The following ASNS variants were observed in gnomAD, a reference collection of about 807,000 sequenced individuals.
ASNS encodes asparagine synthetase (glutamine-hydrolyzing), also known as asparagine synthetase [glutamine-hydrolyzing].
A neutral mutation model predicts 62.6 loss-of-function variants in ASNS; 37 were observed. The ratio of observed to expected loss-of-function variants is 0.59; its 90% CI spans 0.45 to 0.78. The LOEUF (loss-of-function observed/expected upper bound fraction) is 0.78. Among genes scored for constraint, ASNS ranks in the 30% least tolerant of loss-of-function variants. The pLI is 0.00. For missense variants in ASNS, 520 were observed against 682.4 expected (o/e 0.76, Z 2.65); for synonymous variants, 207 against 237.9 (o/e 0.87, Z 1.19).
the ASNS span, among the ~76,000 whole-genome samples, chr7:97,913,685 T>C: frequency 3.3e-5 from 5 of 151,482 alleles, no homozygotes; most frequent in Non-Finnish European, 2.9e-5. Flanking sequence ...GCAGCTCAAT[T>C]TGAGCCCAGG....
rs1791344310 is a variant in ASNS, at chr7:97,854,574, T to C, written c.1238+6A>G. 2 of 1,609,574 alleles carry C rather than the reference T, an allele frequency of 1.2e-6. No homozygotes were observed. Among genetic ancestry groups the C allele is most frequent in the South Asian group, 1.1e-5 (1 of 89,210 alleles). On this transcript the variant is annotated splice_donor_region_variant and intron_variant, in intron 10 of 12. Transcript: ENST00000394308. ...TTTGTTTTACAATAGCCTCTAAAAA[T>C]ATTACCCATGGGCAGCAGTAGTTCG... is the stretch of plus-strand genomic sequence containing the variant.
chr7:97,874,234 A>G (rs1792391041), upstream of ASNS, among the ~76,000 whole-genome samples: 1 of 152,204 alleles, frequency 6.6e-6, no homozygotes, highest in Admixed American at 6.5e-5. Flanking sequence ...CTTTTGAAAG[A>G]AGAGAAATAT....
the ASNS span, among the ~76,000 whole-genome samples, chr7:97,925,542 C>CCCA: frequency 3.3e-5 from 5 of 152,062 alleles, no homozygotes; most frequent in Admixed American, 6.6e-5. Context: ...ACGGGACGGC[C>CCCA]CCACCACCAC....
At chr7:97,901,766 C>T in the ASNS span, among the ~76,000 whole-genome samples, 3 of 151,994 alleles carry the variant, frequency 2.0e-5, no homozygotes, top group African/African-American at 7.2e-5. Flanking sequence ...TCACTTGAGG[C>T]CAGGAGTTTG....
chr7:97,905,888 C>T, the ASNS span, among the ~76,000 whole-genome samples: 2 of 152,130 alleles, frequency 1.3e-5, no homozygotes, highest in African/African-American at 4.8e-5. Flanking sequence ...CTTGATTATC[C>T]CTGCTATGCC....
the ASNS span, among the ~76,000 whole-genome samples, chr7:97,921,089 T>TGCCTA: frequency 6.6e-6 from 1 of 152,200 alleles, no homozygotes; most frequent in Non-Finnish European, 1.5e-5. Context: ...ACTAGCCCAG[T>TGCCTA]GCCCAGCCAC....
At chr7:97,909,167 A>T in the ASNS span, among the ~76,000 whole-genome samples, 1 of 152,032 alleles carries the variant, frequency 6.6e-6, no homozygotes, top group Admixed American at 6.6e-5. Context: ...TGCGTGGTTG[A>T]GTTAGTAGAA....
the ASNS span, among the ~76,000 whole-genome samples, chr7:97,916,684 G>T: frequency 6.6e-6 from 1 of 152,222 alleles, no homozygotes; most frequent in Non-Finnish European, 1.5e-5. Context: ...TTCAGAGGTG[G>T]CTGTTGCCTG....
chr7:97,866,161 G>C (rs184140096), intron 3 of ASNS, among the ~76,000 whole-genome samples: 1 of 152,320 alleles, frequency 6.6e-6, no homozygotes, highest in East Asian at 1.9e-4. Flanking sequence ...TGAGAAGATA[G>C]TATTGGCTAA....
rs757928863 is a variant in ASNS, at chr7:97,859,197, G to A, written c.673+16C>T. On this transcript the variant is annotated intron_variant, in intron 5 of 12. Transcript: ENST00000394308. ...CTTGGAGAAGGATGGGGAATAGGTGGGTGGGTGTCTGCTACCTGGAAAGAG... is the reference window on the plus strand; with the variant it reads ...CTTGGAGAAGGATGGGGAATAGGTGAGTGGGTGTCTGCTACCTGGAAAGAG... 2 of 1,594,702 alleles carry A rather than the reference G, an allele frequency of 1.3e-6. No homozygotes were observed. Among genetic ancestry groups the A allele is most frequent in the Middle Eastern group, 1.7e-4 (1 of 5,800 alleles).
intron 9 of ASNS, 24 bp from the exon 10 acceptor site, chr7:97,854,704 A>G (rs1256050925): frequency 6.2e-7 from 1 of 1,613,922 alleles, no homozygotes; most frequent in Non-Finnish European, 8.5e-7. Flanking sequence ...AAAAACACCA[A>G]GAGTTTTGCT....
the ASNS span, among the ~76,000 whole-genome samples, chr7:97,888,179 GC>G: frequency 6.6e-6 from 1 of 151,684 alleles, no homozygotes; most frequent in Non-Finnish European, 1.5e-5. Context: ...TCACTATATT[GC>G]CCAAGTTGGT....
chr7:97,865,786 G>C (rs1791933780), intron 3 of ASNS, among the ~76,000 whole-genome samples: 1 of 152,076 alleles, frequency 6.6e-6, no homozygotes, highest in Admixed American at 6.6e-5. Context: ...CCATCTGTGG[G>C]GATCCTGCCA....
the ASNS span, among the ~76,000 whole-genome samples, chr7:97,919,567 T>C: frequency 6.6e-6 from 1 of 152,186 alleles, no homozygotes; most frequent in Non-Finnish European, 1.5e-5. Context: ...GCACATGCCC[T>C]CCCAGGCACC....
chr7:97,885,116 C>T, the ASNS span, among the ~76,000 whole-genome samples: 1 of 152,228 alleles, frequency 6.6e-6, no homozygotes, highest in African/African-American at 2.4e-5. Context: ...GTGTTCTGGA[C>T]ATTTCATATA....
intron 10 of ASNS, 45 bp downstream of exon 10, chr7:97,854,535 G>T: frequency 6.3e-7 from 1 of 1,584,860 alleles, no homozygotes; most frequent in Non-Finnish European, 8.5e-7. Context: ...TTTTGTTTTT[G>T]GTGTTTTTTT....
chr7:97,909,258 A>G, the ASNS span, among the ~76,000 whole-genome samples: 2 of 146,902 alleles, frequency 1.4e-5, no homozygotes, highest in African/African-American at 5.0e-5. Context: ...CCATCCCCCA[A>G]CATCCCCAAG....
chr7:97,903,434 A>C, the ASNS span, among the ~76,000 whole-genome samples: 1 of 152,192 alleles, frequency 6.6e-6, no homozygotes, highest in African/African-American at 2.4e-5. Context: ...TGCCATTTAC[A>C]TGCAGACATC....
At chr7:97,892,849 C>T in the ASNS span, among the ~76,000 whole-genome samples, 3 of 152,230 alleles carry the variant, frequency 2.0e-5, no homozygotes. Flanking sequence ...AATTTTCCCA[C>T]ATTTTCCTGT....
Sources: gnomAD v4.1 joint callset for allele counts (sites outside exome capture counted in the v4.1 genomes callset) on GRCh38, gnomAD v4.1.1 for gene constraint, MANE v1.5 for transcripts, NCBI Gene and HGNC (gene_info 2026-07-23, HGNC 2026-07-21) for gene names.